Variants in ITGA6 observed in about 807,000 individuals in gnomAD.
ITGA6 encodes the protein integrin alpha-6.
Under a neutral mutation model 133.6 loss-of-function variants are expected in ITGA6, and 63 were observed. The observed-to-expected ratio is 0.47, with a 90% CI of 0.38 to 0.58. ITGA6 has a LOEUF of 0.58. ITGA6 is among the 20% of genes least tolerant of loss of function. The probability of loss-of-function intolerance (pLI) is 0.00; values close to 1 mark genes in which losing one functional copy is unlikely to be tolerated. For synonymous variants in ITGA6, 434 were observed against 482.0 expected, an observed-to-expected ratio of 0.90 and a Z score of 1.30; for missense variants, 1,068 against 1,309.4, an observed-to-expected ratio of 0.82 and a Z score of 2.85.
upstream of ITGA6, chr2:172,427,568 T>G (rs1683894187): frequency 2.4e-6 from 3 of 1,225,216 alleles, no homozygotes; most frequent in South Asian, 9.8e-5. Flanking sequence ...ATAAAACGCC[T>G]GCGAGTCTCC....
chr2:172,480,448 A>G (rs113736647), intron 11 of ITGA6, among the ~76,000 whole-genome samples: 3,859 of 151,876 alleles, frequency 0.025, 165 homozygotes, highest in African/African-American at 0.088. Flanking sequence ...GGGCAACGGC[A>G]GGAGCCAGAG....
intron 7 of ITGA6, among the ~76,000 whole-genome samples, 194 bp downstream of exon 7, chr2:172,475,316 G>A (rs1686122864): frequency 6.6e-6 from 1 of 152,150 alleles, no homozygotes; most frequent in Non-Finnish European, 1.5e-5. Flanking sequence ...TTAACTGGGT[G>A]TGGTGGCACA....
intron 5 of ITGA6, chr2:172,472,659 C>A: frequency 1.5e-6 from 1 of 675,516 alleles, no homozygotes; most frequent in Non-Finnish European, 2.7e-6. Flanking sequence ...ATGAGAGCAG[C>A]TTGCCGGATG....
chr2:172,481,615 T>C (rs1686443440), intron 11 of ITGA6, among the ~76,000 whole-genome samples: 1 of 152,218 alleles, frequency 6.6e-6, no homozygotes, highest in Non-Finnish European at 1.5e-5. Flanking sequence ...TCGAGCTGTC[T>C]GCAGGTGGTT....
chr2:172,486,403 G>A (rs1195623547), intron 13 of ITGA6, among the ~76,000 whole-genome samples: 5 of 151,902 alleles, frequency 3.3e-5, no homozygotes, highest in Non-Finnish European at 7.4e-5. Context: ...AATATTACTT[G>A]TGTACATTCC....
chr2:172,449,390 A>G (rs1331531948), intron 1 of ITGA6, among the ~76,000 whole-genome samples: 1 of 152,060 alleles, frequency 6.6e-6, no homozygotes, highest in East Asian at 1.9e-4. Flanking sequence ...ATATCTACCT[A>G]AGGTACCTAA....
chr2:172,463,206 G>A (rs1253590097), intron 1 of ITGA6, among the ~76,000 whole-genome samples: 1 of 152,174 alleles, frequency 6.6e-6, no homozygotes, highest in African/African-American at 2.4e-5. Flanking sequence ...ATGTGGGAAT[G>A]GGATAAACAG....
At chr2:172,454,167 T>C (rs1006255541) in intron 1 of ITGA6, among the ~76,000 whole-genome samples, 4 of 149,696 alleles carry the variant, frequency 2.7e-5, no homozygotes, top group African/African-American at 9.8e-5. Flanking sequence ...CACTGCAACC[T>C]CTGCCTCCTG....
intron 1 of ITGA6, among the ~76,000 whole-genome samples, chr2:172,436,559 T>C (rs563271256): frequency 6.6e-6 from 1 of 152,276 alleles, no homozygotes; most frequent in East Asian, 1.9e-4. Context: ...TTTTTCAATA[T>C]CATAGAATAT....
Position 172,503,155 on chromosome 2 carries a change from T to G in ITGA6, c.*23-936T>G, listed in dbSNP as rs192258281. 2.1e-4 allele frequency among the ~76,000 whole-genome samples: 32 copies of G among 152,260 alleles called. No individual in the cohort carries two copies. The East Asian group carries it at 5.2e-3, about 25-fold the overall frequency. ...TATTGACGTCACACAATAAACACAT[T>G]AACAGTTCTATCAATATCCTCATTC... On this transcript the variant is annotated intron_variant, in intron 25 of 25. Coordinates refer to ENST00000684293, the MANE Select transcript of ITGA6 (RefSeq NM_000210.4).
chr2:172,451,462 T>TA (rs57101233), intron 1 of ITGA6, among the ~76,000 whole-genome samples: 8,933 of 135,370 alleles, frequency 0.066, 523 homozygotes, highest in African/African-American at 0.16. Context: ...GAGACTATCT[T>TA]AAAAAAAAAA....
chr2:172,487,242 CT>C (rs1286643431), intron 14 of ITGA6, 21 bp from the exon 15 acceptor site: 1 of 1,600,862 alleles, frequency 6.2e-7, no homozygotes, highest in Non-Finnish European at 8.6e-7. Context: ...CCTTTTTGTT[CT>C]TGTTTTCTTA....
At chr2:172,489,377 A>G in intron 19 of ITGA6, 108 bp from the exon 20 acceptor site, 1 of 851,820 alleles carries the variant, frequency 1.2e-6, no homozygotes, top group Non-Finnish European at 1.9e-6. Flanking sequence ...TGCTTTTATT[A>G]TAGGATTACG....
At chr2:172,431,338 AAGCC>A (rs1684096812) in intron 1 of ITGA6, among the ~76,000 whole-genome samples, 1 of 152,234 alleles carries the variant, frequency 6.6e-6, no homozygotes, top group Admixed American at 6.5e-5. Flanking sequence ...TTAAATGGAA[AAGCC>A]AGAAATGTTC....
At chr2:172,465,761 A>G in intron 2 of ITGA6, 98 bp downstream of exon 2, 2 of 1,506,840 alleles carry the variant, frequency 1.3e-6, no homozygotes, top group Admixed American at 1.7e-5. Flanking sequence ...TCTTGTAGAG[A>G]GGACTTCTTT....
intron 1 of ITGA6, among the ~76,000 whole-genome samples, chr2:172,462,670 G>A (rs542453883): frequency 6.6e-6 from 1 of 152,202 alleles, no homozygotes; most frequent in Non-Finnish European, 1.5e-5. Flanking sequence ...TGGAGAACAA[G>A]TGGCAGATAG....
In ITGA6 at chr2:172,471,054, G is replaced by A. The variant is rs1426112070; in HGVS notation, c.724G>A (p.Glu242Lys). Reference sequence around the variant, plus strand: ...AGATGGGCCTTATGAAGTTGGTGGAGAGACTGAGCATGATGAAAGTCTCGT... The same window carrying A: ...AGATGGGCCTTATGAAGTTGGTGGAAAGACTGAGCATGATGAAAGTCTCGT... ...FEDGPYEVGGETEHDESLVPV... is the reference protein window; with the variant it reads ...FEDGPYEVGGKTEHDESLVPV... Residue 242 changes from glutamate to lysine, a missense_variant, in exon 5 of 26, where the codon GAG becomes AAG. Glu to Lys is a moderately conservative substitution (Grantham distance 56). This residue lies in a region of ITGA6 where 317 missense variants were observed against 456.9 expected (regional missense o/e 0.69). Coordinates refer to ENST00000684293, the MANE Select transcript of ITGA6 (RefSeq NM_000210.4). 2 of 1,614,086 alleles carry A rather than the reference G, an allele frequency of 1.2e-6. No homozygotes were observed. The highest frequency in any genetic ancestry group is 1.7e-5 in the Admixed American group (1 of 60,004).
At chr2:172,493,635 T>C (rs1363669228) in intron 23 of ITGA6, among the ~76,000 whole-genome samples, 1 of 152,188 alleles carries the variant, frequency 6.6e-6, no homozygotes, top group African/African-American at 2.4e-5. Flanking sequence ...AACCTGTAAT[T>C]GTCTGACTTC....
At chr2:172,484,506 A>G (rs989521517) in intron 11 of ITGA6, among the ~76,000 whole-genome samples, 3 of 152,230 alleles carry the variant, frequency 2.0e-5, no homozygotes, top group African/African-American at 4.8e-5. Flanking sequence ...CTGATTCTTA[A>G]TAACTGCTGC....
Sources: allele counts gnomAD v4.1 joint callset (sites outside exome capture counted in the v4.1 genomes callset), GRCh38; gene constraint gnomAD v4.1.1; regional missense constraint gnomAD v4.1.1; transcripts MANE v1.5; gene names NCBI Gene and HGNC (gene_info 2026-07-23, HGNC 2026-07-21).